OR3A3: variants seen among roughly 807,000 people sequenced by gnomAD.
OR3A3 encodes the protein olfactory receptor 3A3.
For synonymous variants in OR3A3, 103 were observed against 163.9 expected, an observed-to-expected ratio of 0.63 and a Z score of 2.84; for missense variants, 275 against 391.4, an observed-to-expected ratio of 0.70 and a Z score of 2.51.
intron 2 of OR3A3, among the ~76,000 whole-genome samples, chr17:3,419,853 C>T (rs2072416986): frequency 6.6e-6 from 1 of 151,496 alleles, no homozygotes; most frequent in Non-Finnish European, 1.5e-5. Flanking sequence ...CCCGCCTCAG[C>T]CTCCCAGGTT....
intron 2 of OR3A3, among the ~76,000 whole-genome samples, chr17:3,414,784 G>A (rs964584086): frequency 6.6e-6 from 1 of 152,046 alleles, no homozygotes; most frequent in African/African-American, 2.4e-5. Flanking sequence ...ACCCACCCAA[G>A]GCTCTTCTGT....
At position 3,414,507 on chromosome 17, in the gene OR3A3, G is replaced by A. The variant is rs114436681; in HGVS notation, c.-7+2336G>A. Among the ~76,000 whole-genome samples, 137 of 152,250 alleles carry A rather than the reference G, an allele frequency of 9.0e-4. 1 individual carries two copies. The highest frequency in any genetic ancestry group is 2.6e-3 in the African/African-American group (107 of 41,556). On this transcript the variant is annotated intron_variant, in intron 2 of 2. Transcript: ENST00000641141. ...CATCTTTACAAAGAAAGAAAAACAC[G>A]ATGCAGGAAGGTAGTGTGAATTCTC...
At chr17:3,418,602 T>C (rs1226341949) in intron 2 of OR3A3, among the ~76,000 whole-genome samples, 1 of 152,188 alleles carries the variant, frequency 6.6e-6, no homozygotes, top group Non-Finnish European at 1.5e-5. Flanking sequence ...AATATTTTGG[T>C]GACCATCCCC....
At chr17:3,421,502 A>G (rs1375209910) in exon 3 of OR3A3, 1 of 1,540,638 alleles carries the variant, frequency 6.5e-7, no homozygotes, top group Admixed American at 2.0e-5. Flanking sequence ...GCTCTGTGTC[A>G]GCTACTTGTG....
chr17:3,413,292 G>A (rs1259515118), intron 2 of OR3A3, among the ~76,000 whole-genome samples: 3 of 152,196 alleles, frequency 2.0e-5, no homozygotes, highest in Middle Eastern at 3.4e-3. Context: ...AAAGTTTCAC[G>A]GAAAGATGAG....
exon 3 of OR3A3, chr17:3,421,459 A>G (rs1343765636): frequency 1.3e-6 from 2 of 1,586,966 alleles, no homozygotes; most frequent in Admixed American, 1.7e-5. Flanking sequence ...GAACCCACTT[A>G]TCTACAGCCT....
At chr17:3,420,012 C>T (rs2150681946) in intron 2 of OR3A3, among the ~76,000 whole-genome samples, 1 of 152,264 alleles carries the variant, frequency 6.6e-6, no homozygotes, top group African/African-American at 2.4e-5. Flanking sequence ...CGTGATCCGC[C>T]TGCCTTGGCC....
intron 2 of OR3A3, among the ~76,000 whole-genome samples, chr17:3,417,931 A>G (rs1053907178): frequency 3.9e-5 from 6 of 152,106 alleles, no homozygotes; most frequent in Admixed American, 1.3e-4. Context: ...GCCGGTCTTC[A>G]GTTATTTCTG....
At chr17:3,418,173 G>A (rs1462992273) in intron 2 of OR3A3, among the ~76,000 whole-genome samples, 1 of 152,144 alleles carries the variant, frequency 6.6e-6, no homozygotes, top group Non-Finnish European at 1.5e-5. Flanking sequence ...TTTCTTCTGA[G>A]TGTTTGTAGT....
At chr17:3,421,285 G>A (rs774720881) in exon 3 of OR3A3, 29 of 1,614,098 alleles carry the variant, frequency 1.8e-5, no homozygotes, top group Non-Finnish European at 2.5e-5. Flanking sequence ...AATCCGCTCT[G>A]CTGAGGGCAG....
At chr17:3,411,738 C>T (rs1280208414) in intron 1 of OR3A3, among the ~76,000 whole-genome samples, 1 of 152,208 alleles carries the variant, frequency 6.6e-6, no homozygotes, top group East Asian at 1.9e-4. Flanking sequence ...TCCAGCTGCA[C>T]CTCTCCCTTC....
exon 3 of OR3A3, chr17:3,421,208 T>C: frequency 6.2e-7 from 1 of 1,614,208 alleles, no homozygotes; most frequent in South Asian, 1.1e-5. Context: ...GCAGCAGCCT[T>C]CATGGCTGTG....
rs565829185 is a variant in OR3A3, at chr17:3,411,811, C to G, written c.-200-167C>G. On this transcript the variant is annotated intron_variant, in intron 1 of 2. Transcript: ENST00000641141. ...CTCAGTGACCCACATTAAGCAGAGC[C>G]GACATCATCTGCCGTAACAACCTGC... Among the ~76,000 whole-genome samples, 758 of 152,242 alleles carry G rather than the reference C, an allele frequency of 5.0e-3. 6 individuals are homozygous for G. The highest frequency in any genetic ancestry group is 5.7e-3 in the Non-Finnish European group (386 of 67,992).
intron 1 of OR3A3, among the ~76,000 whole-genome samples, 192 bp from the exon 2 acceptor site, chr17:3,411,786 C>T (rs2072363677): frequency 6.6e-6 from 1 of 152,222 alleles, no homozygotes; most frequent in South Asian, 2.1e-4. Context: ...TCCTGTAGGC[C>T]TCAGTGACCC....
chr17:3,411,801 T>C (rs1327641878), intron 1 of OR3A3, among the ~76,000 whole-genome samples, 177 bp from the exon 2 acceptor site: 2 of 152,202 alleles, frequency 1.3e-5, no homozygotes, highest in Non-Finnish European at 2.9e-5. Context: ...TGACCCACAT[T>C]AAGCAGAGCC....
At chr17:3,415,802 ATT>A (rs370956274) in intron 2 of OR3A3, among the ~76,000 whole-genome samples, 59,050 of 102,282 alleles carry the variant, frequency 0.58, 13,648 homozygotes, top group Non-Finnish European at 0.64. Context: ...TTTTTAAATT[ATT>A]ATTATTATTA....
chr17:3,411,661 C>G (rs531725904), intron 1 of OR3A3, among the ~76,000 whole-genome samples, 177 bp downstream of exon 1: 2 of 152,130 alleles, frequency 1.3e-5, no homozygotes, highest in Admixed American at 6.5e-5. Flanking sequence ...GGCGACAGAG[C>G]GAGACTCCGT....
chr17:3,419,820 A>G (rs915004859), intron 2 of OR3A3, among the ~76,000 whole-genome samples: 1 of 134,000 alleles, frequency 7.5e-6, no homozygotes, highest in African/African-American at 2.8e-5. Context: ...TGCAAGCTCC[A>G]CCTCCTGGGT....
At chr17:3,420,541 G>A in intron 2 of OR3A3, 39 bp from the exon 3 acceptor site, 1 of 1,576,290 alleles carries the variant, frequency 6.3e-7, no homozygotes, top group Non-Finnish European at 8.6e-7. Flanking sequence ...TGTGAACTGA[G>A]TGAACTGATA....
Sources: allele counts gnomAD v4.1 joint callset (sites outside exome capture counted in the v4.1 genomes callset), GRCh38; gene constraint gnomAD v4.1.1; transcripts MANE v1.5; gene names NCBI Gene and HGNC (gene_info 2026-07-23, HGNC 2026-07-21).